Variants in KIAA1328 observed in about 807,000 individuals in gnomAD.
The protein encoded by KIAA1328 is KIAA1328.
Under a neutral mutation model 68.1 loss-of-function variants are expected in KIAA1328, and 52 were observed. The ratio of observed to expected loss-of-function variants is 0.76; its 90% CI spans 0.61 to 0.96. The LOEUF (loss-of-function observed/expected upper bound fraction) is 0.96, where lower values mean the gene tolerates loss of function less well. KIAA1328 is among the 40% of genes least tolerant of loss of function. The probability of loss-of-function intolerance (pLI) is 0.00; values close to 1 mark genes in which losing one functional copy is unlikely to be tolerated. For missense variants in KIAA1328, 641 were observed against 677.6 expected, an observed-to-expected ratio of 0.95 and a Z score of 0.60; for synonymous variants, 232 against 239.4, an observed-to-expected ratio of 0.97 and a Z score of 0.28.
Position 37,060,972 on chromosome 18 carries a change from G to A in KIAA1328, c.577-5918G>A, listed in dbSNP as rs541918567. On this transcript the variant is annotated intron_variant, in intron 6 of 9. Coordinates refer to ENST00000280020, the MANE Select transcript of KIAA1328 (RefSeq NM_020776.3). Reference sequence around the variant, plus strand: ...CTCTACTAAAATAGAAAAATTAGCCGGCCATGGTGGTGTGTGCCTGTAGTC... The same window carrying A: ...CTCTACTAAAATAGAAAAATTAGCCAGCCATGGTGGTGTGTGCCTGTAGTC... 1.1e-4 allele frequency among the ~76,000 whole-genome samples: 17 copies of A among 152,192 alleles called. No individual in the cohort carries two copies. The South Asian group carries it at 2.7e-3, about 24-fold the overall frequency.
chr18:36,974,615 C>T (rs2052386794), intron 6 of KIAA1328, among the ~76,000 whole-genome samples: 2 of 152,064 alleles, frequency 1.3e-5, no homozygotes, highest in Non-Finnish European at 2.9e-5. Context: ...CATACAAGTA[C>T]ATGTATCTTT....
At position 37,144,171 on chromosome 18, in the gene KIAA1328, G is replaced by A. The variant is rs116589114; in HGVS notation, c.1233-16029G>A. ...AAGTTATATTTTTTAAAAAATGTGT[G>A]CATTCATTTCATTAAATATATTGGC... On this transcript the variant is annotated intron_variant, in intron 7 of 9. Transcript: ENST00000280020. Among the ~76,000 whole-genome samples, 166 of 152,128 alleles carry A rather than the reference G, an allele frequency of 1.1e-3. 1 individual carries two copies. Among genetic ancestry groups the A allele is most frequent in the African/African-American group, 3.8e-3 (157 of 41,506 alleles).
At chr18:36,962,323 A>T (rs1598833829) in intron 6 of KIAA1328, among the ~76,000 whole-genome samples, 1 of 152,354 alleles carries the variant, frequency 6.6e-6, no homozygotes, top group Admixed American at 6.5e-5. Flanking sequence ...TCATAAAGCA[A>T]GTCCTTAAAG....
chr18:37,028,190 T>G (rs537832605), intron 6 of KIAA1328, among the ~76,000 whole-genome samples: 1 of 152,336 alleles, frequency 6.6e-6, no homozygotes, highest in Non-Finnish European at 1.5e-5. Flanking sequence ...TATATTCATT[T>G]AGAGTAATGA....
intron 9 of KIAA1328, among the ~76,000 whole-genome samples, chr18:37,180,155 T>G (rs907195708): frequency 1.2e-4 from 18 of 151,868 alleles, no homozygotes; most frequent in South Asian, 4.2e-4. Context: ...TAATTGCCTG[T>G]TCACAATTCT....
chr18:37,175,683 C>T (rs180693916), intron 9 of KIAA1328, among the ~76,000 whole-genome samples: 3 of 152,078 alleles, frequency 2.0e-5, no homozygotes, highest in Admixed American at 2.0e-4. Flanking sequence ...ATTATTTGTA[C>T]TGTTTTTATT....
intron 4 of KIAA1328, among the ~76,000 whole-genome samples, chr18:36,866,667 A>T (rs954845031): frequency 6.6e-6 from 1 of 152,144 alleles, no homozygotes; most frequent in African/African-American, 2.4e-5. Context: ...TGCATTTTTA[A>T]TCAGTCAACT....
rs943213509 is a variant in KIAA1328, at chr18:36,835,299, C to T, written c.160C>T (p.Leu54Phe). 4 of 1,613,734 alleles carry T rather than the reference C, an allele frequency of 2.5e-6. No individual in the cohort carries two copies. The highest frequency in any genetic ancestry group is 2.7e-5 in the African/African-American group (2 of 75,026). ...GATGAGTCCAAAAGCTGATGTTAAA[C>T]TTAAGACTTCCAGGGTGACTGATGC... ...KLMSPKADVK[L>F]KTSRVTDASI... The change falls in exon 3 of 10, where the codon CTT becomes TTT. Residue 54 changes from leucine (L) to phenylalanine (F), a missense_variant. Physicochemically the swap from Leu to Phe is conservative, Grantham distance 22. Transcript: ENST00000280020.
chr18:36,864,857 A>G (rs1601044262), intron 4 of KIAA1328, among the ~76,000 whole-genome samples: 2 of 151,948 alleles, frequency 1.3e-5, no homozygotes, highest in African/African-American at 4.8e-5. Context: ...GTTTTCAATA[A>G]TTGTTTCTTT....
chr18:36,854,402 A>G (rs2047317452), intron 4 of KIAA1328, among the ~76,000 whole-genome samples: 1 of 152,188 alleles, frequency 6.6e-6, no homozygotes, highest in Non-Finnish European at 1.5e-5. Flanking sequence ...TGTCTTTTAA[A>G]TCATATTCAA....
chr18:37,012,461 C>T (rs1467376728), intron 6 of KIAA1328, among the ~76,000 whole-genome samples: 1 of 152,144 alleles, frequency 6.6e-6, no homozygotes, highest in East Asian at 1.9e-4. Context: ...AAGGAAACCT[C>T]CAAAATTATG....
At chr18:36,867,556 C>G (rs1659659928) in intron 4 of KIAA1328, among the ~76,000 whole-genome samples, 1 of 152,158 alleles carries the variant, frequency 6.6e-6, no homozygotes, top group South Asian at 2.1e-4. Context: ...AAAACTATAA[C>G]TTCTTTTTAA....
chr18:36,869,946 T>A (rs1482191793), intron 4 of KIAA1328, among the ~76,000 whole-genome samples: 1 of 152,118 alleles, frequency 6.6e-6, no homozygotes, highest in Non-Finnish European at 1.5e-5. Context: ...CACTGCAACC[T>A]CTGCCTCCCG....
At chr18:37,180,101 CACACAT>C (rs1462974830) in intron 9 of KIAA1328, among the ~76,000 whole-genome samples, 1 of 132,830 alleles carries the variant, frequency 7.5e-6, no homozygotes, top group Non-Finnish European at 1.6e-5. Flanking sequence ...CACACACACA[CACACAT>C]TTTTATACTG....
intron 6 of KIAA1328, among the ~76,000 whole-genome samples, chr18:37,052,577 A>G (rs1213314592): frequency 6.6e-6 from 1 of 152,010 alleles, no homozygotes; most frequent in Non-Finnish European, 1.5e-5. Context: ...ACATAATCCT[A>G]TATCTAAAAA....
At chr18:37,033,795 G>A (rs542598493) in intron 6 of KIAA1328, among the ~76,000 whole-genome samples, 1 of 152,298 alleles carries the variant, frequency 6.6e-6, no homozygotes, top group South Asian at 2.1e-4. Context: ...CTTCTATGCT[G>A]TGCTTAGGAT....
At chr18:37,112,747 G>C (rs1260778645) in intron 7 of KIAA1328, among the ~76,000 whole-genome samples, 1 of 152,144 alleles carries the variant, frequency 6.6e-6, no homozygotes, top group Non-Finnish European at 1.5e-5. Context: ...TCGCAAAGAA[G>C]CTGAATACCT....
chr18:37,170,569 C>T (rs922525052), intron 8 of KIAA1328, among the ~76,000 whole-genome samples: 3 of 152,158 alleles, frequency 2.0e-5, no homozygotes, highest in African/African-American at 2.4e-5. Context: ...ATTTCATGCT[C>T]GTCATTGTTT....
At chr18:36,878,834 G>A (rs776852991) in intron 4 of KIAA1328, among the ~76,000 whole-genome samples, 31 of 151,988 alleles carry the variant, frequency 2.0e-4, no homozygotes, top group Non-Finnish European at 4.0e-4. Flanking sequence ...TATGCTTCAC[G>A]AAGTTCTCAT....
Sources: gnomAD v4.1 joint callset for allele counts (sites outside exome capture counted in the v4.1 genomes callset) on GRCh38, gnomAD v4.1.1 for gene constraint, MANE v1.5 for transcripts, NCBI Gene and HGNC (gene_info 2026-07-23, HGNC 2026-07-21) for gene names.